The following SLC35D1 variants were observed in gnomAD, a reference collection of about 807,000 sequenced individuals.
SLC35D1 encodes nucleotide sugar transporter SLC35D1.
A neutral mutation model predicts 46.7 loss-of-function variants in SLC35D1; 31 were observed. That is an observed-to-expected ratio of 0.66 (90% CI 0.50 to 0.90). The LOEUF (loss-of-function observed/expected upper bound fraction) is 0.90, where lower values mean the gene tolerates loss of function less well. Ranked by LOEUF, SLC35D1 falls within the 40% of genes least tolerant of loss-of-function variation. The pLI, the probability that SLC35D1 is intolerant of heterozygous loss-of-function variation, is 0.00. For missense variants in SLC35D1, 397 were observed against 426.2 expected, an observed-to-expected ratio of 0.93 and a Z score of 0.60; for synonymous variants, 195 against 164.6, an observed-to-expected ratio of 1.18 and a Z score of -1.41.
chr1:67,000,120 A>AC lies in SLC35D1; in HGVS notation c.*4219_*4220insG, dbSNP rs1343456521. On this transcript the variant is annotated 3_prime_UTR_variant, in exon 12 of 12. Coordinates refer to ENST00000235345, the MANE Select transcript of SLC35D1 (RefSeq NM_015139.3). ...CCTGTCTTTACCAGAAAAAAAAAAAAAAAGGAAGAAACGAGCCAGGCGTAA... is the reference window on the plus strand; with the variant it reads ...CCTGTCTTTACCAGAAAAAAAAAAAACAAAGGAAGAAACGAGCCAGGCGTAA... 6.6e-6 allele frequency: 1 copy of AC among 151,288 alleles called. No homozygotes were observed. The highest frequency in any genetic ancestry group is 1.5e-5 in the Non-Finnish European group (1 of 67,816). The allele number at this position is 151,288 out of a possible 1,614,324, so 9.4% of individuals were successfully genotyped here.
chr1:66,986,696 A>G, the SLC35D1 span: 1 of 437,112 alleles, frequency 2.3e-6, no homozygotes, highest in Non-Finnish European at 4.1e-6. Flanking sequence ...CTGTTGTTAC[A>G]TACATATCTA....
At chr1:66,979,498 CTTA>C in the SLC35D1 span, among the ~76,000 whole-genome samples, 3 of 152,126 alleles carry the variant, frequency 2.0e-5, no homozygotes, top group Non-Finnish European at 2.9e-5. Context: ...AATTGGGAAC[CTTA>C]TTGGAGATTT....
Position 67,021,617 on chromosome 1 carries a change from A to C in SLC35D1, c.730-15T>G. On this transcript the variant is annotated splice_polypyrimidine_tract_variant and intron_variant, in intron 8 of 11. Coordinates refer to ENST00000235345, the MANE Select transcript of SLC35D1 (RefSeq NM_015139.3). ...AACTCCACAGCCTGCAACACACAAG[A>C]AAGCATTAAATTTTAGACCAGGCCT... The C allele has an allele frequency of 6.2e-7, 1 of 1,613,474 alleles. No homozygotes were observed. Among genetic ancestry groups the C allele is most frequent in the African/African-American group, 1.3e-5 (1 of 75,000 alleles).
chr1:67,036,034 G>A (rs1244006584), intron 8 of SLC35D1, among the ~76,000 whole-genome samples: 1 of 151,910 alleles, frequency 6.6e-6, no homozygotes, highest in Admixed American at 6.6e-5. Flanking sequence ...TTCCATTGTG[G>A]TCAGAGAAGA....
chr1:67,044,091 T>C (rs898589920), intron 7 of SLC35D1, among the ~76,000 whole-genome samples: 2 of 152,170 alleles, frequency 1.3e-5, no homozygotes, highest in African/African-American at 4.8e-5. Context: ...ATCTCAGCAT[T>C]TGGGGAGGCC....
At chr1:67,048,067 T>C (rs1051946569) in intron 6 of SLC35D1, among the ~76,000 whole-genome samples, 3 of 152,198 alleles carry the variant, frequency 2.0e-5, no homozygotes, top group African/African-American at 4.8e-5. Context: ...CTAGCTAAAA[T>C]AGTGGCTGCA....
At chr1:66,984,707 A>C in the SLC35D1 span, 1 of 1,614,052 alleles carries the variant, frequency 6.2e-7, no homozygotes, top group South Asian at 1.1e-5. Context: ...TATGAAACAG[A>C]TAACCTTACC....
chr1:67,009,798 A>G (rs1445198660), intron 10 of SLC35D1, among the ~76,000 whole-genome samples: 1 of 152,230 alleles, frequency 6.6e-6, no homozygotes, highest in Non-Finnish European at 1.5e-5. Flanking sequence ...AACTTAAAAC[A>G]GAACTACCAT....
chr1:66,982,842 G>A, the SLC35D1 span, among the ~76,000 whole-genome samples: 3 of 152,198 alleles, frequency 2.0e-5, no homozygotes, highest in Non-Finnish European at 4.4e-5. Context: ...TTAGGGCCCA[G>A]TAACTATGTC....
At position 67,052,338 on chromosome 1, in the gene SLC35D1, A is replaced by T. The variant is rs139354566; in HGVS notation, c.325-259T>A. On this transcript the variant is annotated intron_variant, in intron 3 of 11. Transcript: ENST00000235345. Reference sequence around the variant, plus strand: ...TGAATATGATCAATGTGAGACAGAAACATCATTTGCTGTAAAATATGATAA... The same window carrying T: ...TGAATATGATCAATGTGAGACAGAATCATCATTTGCTGTAAAATATGATAA... Among the ~76,000 whole-genome samples, 491 of 152,310 alleles carry T rather than the reference A, an allele frequency of 3.2e-3. 3 individuals are homozygous for T. The highest frequency in any genetic ancestry group is 0.012 in the African/African-American group (478 of 41,564).
intron 7 of SLC35D1, among the ~76,000 whole-genome samples, chr1:67,045,420 C>A (rs913881994): frequency 2.0e-5 from 3 of 152,068 alleles, no homozygotes; most frequent in Non-Finnish European, 4.4e-5. Flanking sequence ...TCTTCTTCTC[C>A]AGTATTTCTG....
downstream of SLC35D1, among the ~76,000 whole-genome samples, chr1:66,994,644 A>G (rs1187132402): frequency 8.5e-6 from 1 of 118,172 alleles, no homozygotes; most frequent in Admixed American, 7.4e-5. Context: ...ACTCTGTCTC[A>G]AAAAGAAAAA....
At chr1:66,985,971 G>A in the SLC35D1 span, 20 of 985,646 alleles carry the variant, frequency 2.0e-5, no homozygotes, top group African/African-American at 3.0e-4. Flanking sequence ...GTCAGCTTAA[G>A]TGCTTAAATA....
chr1:66,978,882 C>G, the SLC35D1 span, among the ~76,000 whole-genome samples: 3 of 152,096 alleles, frequency 2.0e-5, no homozygotes, highest in Non-Finnish European at 4.4e-5. Flanking sequence ...TATTGATCTC[C>G]CCATAGCTTC....
chr1:67,037,189 A>C (rs1300029557), intron 8 of SLC35D1, among the ~76,000 whole-genome samples: 1 of 152,128 alleles, frequency 6.6e-6, no homozygotes, highest in Non-Finnish European at 1.5e-5. Context: ...TGATGGGTTC[A>C]TCTTTTTGTC....
the SLC35D1 span, chr1:66,986,264 C>A: frequency 7.1e-7 from 1 of 1,399,932 alleles, no homozygotes; most frequent in Non-Finnish European, 9.2e-7. Flanking sequence ...TAGGATTATC[C>A]ATCTGCATAG....
intron 10 of SLC35D1, among the ~76,000 whole-genome samples, chr1:67,011,093 C>T (rs977476918): frequency 6.6e-6 from 1 of 152,184 alleles, no homozygotes; most frequent in Non-Finnish European, 1.5e-5. Flanking sequence ...CTCTCCCTCC[C>T]ATAACCTATT....
At chr1:66,995,969 A>C (rs1199425524), downstream of SLC35D1, among the ~76,000 whole-genome samples, 2 of 152,338 alleles carry the variant, frequency 1.3e-5, no homozygotes, top group Middle Eastern at 3.4e-3. Context: ...ACAACGAGGG[A>C]TGGTATATGA....
chr1:67,026,656 TATTA>T (rs1667920050), intron 8 of SLC35D1, among the ~76,000 whole-genome samples: 1 of 152,332 alleles, frequency 6.6e-6, no homozygotes, highest in Non-Finnish European at 1.5e-5. Context: ...ATAGCCCTAT[TATTA>T]ATTAAGGCTT....
Sources: allele counts gnomAD v4.1 joint callset (sites outside exome capture counted in the v4.1 genomes callset), GRCh38; gene constraint gnomAD v4.1.1; transcripts MANE v1.5; gene names NCBI Gene and HGNC (gene_info 2026-07-23, HGNC 2026-07-21).